The following OSBPL9 variants were observed in gnomAD, a reference collection of about 807,000 sequenced individuals.
OSBPL9 encodes the protein oxysterol binding protein like 9, also known as oxysterol-binding protein-related protein 9.
OSBPL9 carries 40 observed loss-of-function variants against 106.6 expected under a neutral mutation model. That is an observed-to-expected ratio of 0.38 (90% CI 0.29 to 0.49). The LOEUF (loss-of-function observed/expected upper bound fraction) is 0.49, where lower values mean the gene tolerates loss of function less well. OSBPL9 is among the 20% of genes least tolerant of loss of function. The probability of loss-of-function intolerance (pLI) is 0.97; values close to 1 mark genes in which losing one functional copy is unlikely to be tolerated. For synonymous variants in OSBPL9, 269 were observed against 295.4 expected, an observed-to-expected ratio of 0.91 and a Z score of 0.92; for missense variants, 609 against 887.2, an observed-to-expected ratio of 0.69 and a Z score of 3.98.
intron 3 of OSBPL9, among the ~76,000 whole-genome samples, chr1:51,712,271 G>C (rs1352253570): frequency 6.6e-6 from 1 of 152,240 alleles, no homozygotes; most frequent in African/African-American, 2.4e-5. Context: ...GCGTGGCGGC[G>C]CGCGCCTGCA....
At chr1:51,540,632 C>G in the OSBPL9 span, among the ~76,000 whole-genome samples, 1 of 148,870 alleles carries the variant, frequency 6.7e-6, no homozygotes, top group Non-Finnish European at 1.5e-5. Context: ...CCAGCCTGGC[C>G]GCAGAGCAAG....
At chr1:51,640,515 T>C (rs553387193) in intron 1 of OSBPL9, among the ~76,000 whole-genome samples, 139 of 152,216 alleles carry the variant, frequency 9.1e-4, no homozygotes, top group Non-Finnish European at 1.5e-3. Context: ...TGTTTTATTG[T>C]AATAATTTAA....
At chr1:51,748,949 G>A (rs1195534016) in intron 7 of OSBPL9, among the ~76,000 whole-genome samples, 1 of 152,138 alleles carries the variant, frequency 6.6e-6, no homozygotes, top group Non-Finnish European at 1.5e-5. Context: ...TCCAGGCGTG[G>A]TGGCTTATGC....
intron 12 of OSBPL9, among the ~76,000 whole-genome samples, chr1:51,769,718 G>A (rs561711787): frequency 1.3e-5 from 2 of 152,014 alleles, no homozygotes; most frequent in South Asian, 2.1e-4. Flanking sequence ...TTCTGAACAA[G>A]GTAAATTATG....
At chr1:51,754,149 G>T (rs1669853045) in intron 8 of OSBPL9, among the ~76,000 whole-genome samples, 2 of 152,194 alleles carry the variant, frequency 1.3e-5, no homozygotes, top group Non-Finnish European at 2.9e-5. Context: ...TGCAGGTGGA[G>T]ACTTAACCAG....
chr1:51,654,180 C>T (rs1274373901), intron 2 of OSBPL9, among the ~76,000 whole-genome samples: 3 of 152,004 alleles, frequency 2.0e-5, no homozygotes, highest in African/African-American at 4.8e-5. Context: ...AGGTTTGATC[C>T]CTTTGGCAAG....
At chr1:51,741,639 A>C (rs1666942634) in intron 4 of OSBPL9, among the ~76,000 whole-genome samples, 1 of 145,644 alleles carries the variant, frequency 6.9e-6, no homozygotes, top group Non-Finnish European at 1.5e-5. Flanking sequence ...GTGTTTTTGA[A>C]AAACAGAGAC....
At chr1:51,607,981 T>C (rs1643960529) in intron 2 of OSBPL9, among the ~76,000 whole-genome samples, 1 of 152,236 alleles carries the variant, frequency 6.6e-6, no homozygotes, top group Non-Finnish European at 1.5e-5. Flanking sequence ...CTCTCCTCTC[T>C]TGATTTTCCT....
intron 1 of OSBPL9, among the ~76,000 whole-genome samples, chr1:51,581,205 T>A (rs1367160330): frequency 6.6e-6 from 1 of 151,572 alleles, no homozygotes; most frequent in Non-Finnish European, 1.5e-5. Context: ...GATTACAAGG[T>A]GAGCCACTGC....
chr1:51,576,985 G>A (rs987259465), upstream of OSBPL9, among the ~76,000 whole-genome samples: 3 of 152,188 alleles, frequency 2.0e-5, no homozygotes, highest in African/African-American at 4.8e-5. Flanking sequence ...GGGGCATGGT[G>A]GGAGGTGTTT....
the OSBPL9 span, among the ~76,000 whole-genome samples, chr1:51,550,960 C>T: frequency 1.3e-5 from 2 of 152,070 alleles, no homozygotes; most frequent in Non-Finnish European, 1.5e-5. Context: ...TTTTTGACTA[C>T]CTATTTGTAT....
the OSBPL9 span, among the ~76,000 whole-genome samples, chr1:51,543,434 C>G: frequency 6.6e-6 from 1 of 152,164 alleles, no homozygotes; most frequent in East Asian, 1.9e-4. Flanking sequence ...CTCACTCTGG[C>G]CCCCGGACTG....
At chr1:51,621,033 T>C (rs964697624) in intron 1 of OSBPL9, among the ~76,000 whole-genome samples, 3 of 152,276 alleles carry the variant, frequency 2.0e-5, no homozygotes, top group East Asian at 1.9e-4. Flanking sequence ...CAGCCTATTA[T>C]AGAAAATTTT....
chr1:51,740,104 G>A (rs1640184395), intron 4 of OSBPL9: 1 of 1,547,924 alleles, frequency 6.5e-7, no homozygotes, highest in South Asian at 1.2e-5. Flanking sequence ...TCACAGCATG[G>A]TAACTTTCTA....
intron 1 of OSBPL9, among the ~76,000 whole-genome samples, chr1:51,595,741 G>T (rs1045188671): frequency 2.0e-5 from 3 of 152,168 alleles, no homozygotes; most frequent in Non-Finnish European, 2.9e-5. Flanking sequence ...ATTGTATTAT[G>T]TGCTAAGCAC....
At chr1:51,707,217 T>C (rs538375473) in intron 3 of OSBPL9, 216 of 351,212 alleles carry the variant, frequency 6.2e-4, no homozygotes, top group African/African-American at 4.2e-3. Context: ...ATACCAGGAA[T>C]TGAGCCTGAC....
chr1:51,711,489 G>C (rs868191960), intron 3 of OSBPL9, among the ~76,000 whole-genome samples: 1 of 132,516 alleles, frequency 7.5e-6, no homozygotes, highest in Non-Finnish European at 1.6e-5. Context: ...CCTCCCGGAC[G>C]GGGCGGCTGG....
chr1:51,610,774 G>T (rs1334368914), intron 2 of OSBPL9, among the ~76,000 whole-genome samples: 1 of 152,214 alleles, frequency 6.6e-6, no homozygotes, highest in Admixed American at 6.5e-5. Flanking sequence ...CTTTTATTCA[G>T]ATTGCCTGCT....
At chr1:51,661,429 G>A (rs935104304) in intron 2 of OSBPL9, among the ~76,000 whole-genome samples, 4 of 152,112 alleles carry the variant, frequency 2.6e-5, no homozygotes, top group South Asian at 4.1e-4. Flanking sequence ...GAAAAAAAAC[G>A]AAAAGAGAGA....
Sources: allele counts gnomAD v4.1 joint callset (sites outside exome capture counted in the v4.1 genomes callset), GRCh38; gene constraint gnomAD v4.1.1; transcripts MANE v1.5; gene names NCBI Gene and HGNC (gene_info 2026-07-23, HGNC 2026-07-21).